ITPR2: variants seen among roughly 807,000 people sequenced by gnomAD.
ITPR2 encodes the protein inositol 1,4,5-trisphosphate-gated calcium channel ITPR2.
ITPR2 carries 207 observed loss-of-function variants against 317.1 expected under a neutral mutation model. That is an observed-to-expected ratio of 0.65 (90% CI 0.58 to 0.73). ITPR2 has a LOEUF of 0.73. Ranked by LOEUF, ITPR2 falls within the 30% of genes least tolerant of loss-of-function variation. ITPR2 has a pLI of 0.00. For missense variants in ITPR2, 2,613 were observed against 3,284.0 expected (o/e 0.80, Z 4.99); for synonymous variants, 1,156 against 1,149.1 (o/e 1.01, Z -0.12).
At chr12:26,378,337 G>A (rs2136611736) in intron 55 of ITPR2, among the ~76,000 whole-genome samples, 1 of 152,088 alleles carries the variant, frequency 6.6e-6, no homozygotes, top group Non-Finnish European at 1.5e-5. Flanking sequence ...ACAAGCAGAA[G>A]GCACACGTGG....
At chr12:26,453,065 A>G (rs1243525319) in intron 45 of ITPR2, among the ~76,000 whole-genome samples, 3 of 152,174 alleles carry the variant, frequency 2.0e-5, no homozygotes, top group Non-Finnish European at 4.4e-5. Flanking sequence ...CTTTTTCCCT[A>G]CAATTATTTA....
At chr12:26,563,626 T>G (rs1944876270) in intron 34 of ITPR2, among the ~76,000 whole-genome samples, 1 of 152,092 alleles carries the variant, frequency 6.6e-6, no homozygotes, top group Non-Finnish European at 1.5e-5. Flanking sequence ...TATTAAATTC[T>G]CCAACTCCTG....
intron 13 of ITPR2, among the ~76,000 whole-genome samples, chr12:26,677,309 T>G (rs954444370): frequency 6.6e-6 from 1 of 152,116 alleles, no homozygotes; most frequent in Non-Finnish European, 1.5e-5. Context: ...CAAATGAAAA[T>G]AGACTATCAG....
intron 45 of ITPR2, among the ~76,000 whole-genome samples, chr12:26,444,353 C>T (rs913848690): frequency 8.5e-5 from 13 of 152,076 alleles, no homozygotes; most frequent in South Asian, 2.1e-4. Context: ...ATGGTTGTCT[C>T]GAGCAATTCC....
At chr12:26,560,872 A>G (rs1252950370) in intron 35 of ITPR2, among the ~76,000 whole-genome samples, 1 of 152,204 alleles carries the variant, frequency 6.6e-6, no homozygotes, top group East Asian at 1.9e-4. Flanking sequence ...ATTTTGTAGA[A>G]AAAAAACTTC....
At chr12:26,540,309 T>C (rs1944222925) in intron 37 of ITPR2, among the ~76,000 whole-genome samples, 1 of 152,242 alleles carries the variant, frequency 6.6e-6, no homozygotes, top group Non-Finnish European at 1.5e-5. Context: ...CAAATTAGAA[T>C]GATATGGAAT....
chr12:26,715,593 TGTG>T, intron 7 of ITPR2, 148 bp from the exon 8 acceptor site: 1 of 838,678 alleles, frequency 1.2e-6, no homozygotes, highest in Middle Eastern at 2.3e-4. Context: ...CATTTAAAAA[TGTG>T]GGGGGGAAAT....
intron 1 of ITPR2, among the ~76,000 whole-genome samples, chr12:26,819,795 G>A (rs1237206677): frequency 2.0e-5 from 3 of 151,862 alleles, no homozygotes; most frequent in African/African-American, 2.4e-5. Flanking sequence ...AGTCAGGTGT[G>A]GTAGCTCACG....
chr12:26,439,415 GA>G, intron 46 of ITPR2, 96 bp from the exon 47 acceptor site: 1 of 852,816 alleles, frequency 1.2e-6, no homozygotes. Flanking sequence ...AATGTTTTAT[GA>G]ATTCAGTTGT....
At chr12:26,364,010 A>G (rs891415576) in intron 55 of ITPR2, among the ~76,000 whole-genome samples, 12 of 152,218 alleles carry the variant, frequency 7.9e-5, no homozygotes, top group Non-Finnish European at 1.2e-4. Context: ...AATGGGGTGG[A>G]ATGAGGCTGA....
chr12:26,552,219 G>T (rs902842862), intron 36 of ITPR2, among the ~76,000 whole-genome samples: 1 of 151,996 alleles, frequency 6.6e-6, no homozygotes, highest in Non-Finnish European at 1.5e-5. Flanking sequence ...ATGAGACAGG[G>T]TCTCTGTCAC....
intron 2 of ITPR2, among the ~76,000 whole-genome samples, chr12:26,764,918 T>C (rs1201589002): frequency 6.6e-6 from 1 of 152,110 alleles, no homozygotes; most frequent in African/African-American, 2.4e-5. Context: ...TTGTTTTCTC[T>C]TCTTTAGCTA....
chr12:26,590,697 G>A (rs1054631011), intron 32 of ITPR2, among the ~76,000 whole-genome samples: 1 of 152,172 alleles, frequency 6.6e-6, no homozygotes, highest in African/African-American at 2.4e-5. Context: ...AAACTGTCCA[G>A]GACATTGGTC....
At chr12:26,359,352 C>T (rs1043697866) in intron 55 of ITPR2, among the ~76,000 whole-genome samples, 10 of 152,158 alleles carry the variant, frequency 6.6e-5, no homozygotes, top group Admixed American at 5.9e-4. Context: ...GTCTTGGCAT[C>T]ATCCAAATGA....
rs1182333864 is a variant in ITPR2 at position 26,681,899 on chromosome 12, C to T, written c.1384G>A (p.Gly462Ser). ...CTCCTTTCATTCTGAGTTATTGTGC[C>T]GTTTTCTAGCTTTTTAACTGTGGTC... ...LATTVKKLENGTITQNERRFV... is the reference protein window; with the variant it reads ...LATTVKKLENSTITQNERRFV... Residue 462 changes from glycine to serine, a missense_variant, in exon 13 of 57, where the codon GGC (glycine) becomes AGC (serine). Transcript: ENST00000381340. 3.7e-6 allele frequency: 6 copies of T among 1,612,024 alleles called. No individual in the cohort carries two copies. The highest frequency in any genetic ancestry group is 1.7e-5 in the Admixed American group (1 of 59,858).
At chr12:26,677,934 G>A (rs1368564854) in intron 13 of ITPR2, among the ~76,000 whole-genome samples, 1 of 152,086 alleles carries the variant, frequency 6.6e-6, no homozygotes, top group Non-Finnish European at 1.5e-5. Flanking sequence ...TAGATCCTGG[G>A]CTCCTATCAT....
chr12:26,686,707 T>G, intron 10 of ITPR2, 75 bp from the exon 11 acceptor site: 2 of 1,249,316 alleles, frequency 1.6e-6, no homozygotes, highest in Non-Finnish European at 2.2e-6. Flanking sequence ...GGTGATAAGG[T>G]TTAAATGTGC....
At chr12:26,511,097 T>C (rs912872019) in intron 37 of ITPR2, among the ~76,000 whole-genome samples, 1 of 152,248 alleles carries the variant, frequency 6.6e-6, no homozygotes. Context: ...CAGTCTCTTT[T>C]TTCCTGAGCT....
chr12:26,411,125 A>G, intron 52 of ITPR2, 195 bp downstream of exon 52: 1 of 535,230 alleles, frequency 1.9e-6, no homozygotes, highest in South Asian at 2.2e-5. Flanking sequence ...AATATAACGA[A>G]CAGGAGAGGG....
Sources: gnomAD v4.1 joint callset for allele counts (sites outside exome capture counted in the v4.1 genomes callset) on GRCh38, gnomAD v4.1.1 for gene constraint, MANE v1.5 for transcripts, NCBI Gene and HGNC (gene_info 2026-07-23, HGNC 2026-07-21) for gene names.